SLC14A2: variants seen among roughly 807,000 people sequenced by gnomAD.
SLC14A2 encodes urea transporter 2.
Under a neutral mutation model 104.6 loss-of-function variants are expected in SLC14A2, and 91 were observed. The ratio of observed to expected loss-of-function variants is 0.87; its 90% CI spans 0.73 to 1.04. The LOEUF (loss-of-function observed/expected upper bound fraction) is 1.04, where lower values mean the gene tolerates loss of function less well. Ranked by LOEUF, SLC14A2 falls within the 50% of genes least tolerant of loss-of-function variation. The pLI is 0.00. For synonymous variants in SLC14A2, 476 were observed against 466.4 expected (o/e 1.02, Z -0.27); for missense variants, 1,189 against 1,156.0 (o/e 1.03, Z -0.41).
chr18:45,663,354 T>A lies in SLC14A2; in HGVS notation c.1352-431T>A, dbSNP rs193261834. On this transcript the variant is annotated intron_variant, in intron 10 of 19. Transcript: ENST00000255226. ...TGGGCATTCAAAACTTTAATTTTTT[T>A]AAACTGGTCTGAGGTGGAGCTCAGG... 4.1e-3 allele frequency among the ~76,000 whole-genome samples: 623 copies of A among 152,298 alleles called. 7 individuals are homozygous for A. The highest frequency in any genetic ancestry group is 3.0e-3 in the Non-Finnish European group (205 of 68,028).
At chr18:45,649,878 G>C (rs1015411281) in intron 10 of SLC14A2, among the ~76,000 whole-genome samples, 1 of 152,314 alleles carries the variant, frequency 6.6e-6, no homozygotes, top group South Asian at 2.1e-4. Context: ...ACAGTTAGTT[G>C]TCCTTTCTGT....
chr18:45,508,058 G>A (rs1372437922), intron 2 of SLC14A2, among the ~76,000 whole-genome samples: 1 of 152,174 alleles, frequency 6.6e-6, no homozygotes, highest in Admixed American at 6.5e-5. Flanking sequence ...AAGAAAGACT[G>A]GAATACTTAG....
intron 1 of SLC14A2, among the ~76,000 whole-genome samples, chr18:45,420,222 G>C (rs1440362782): frequency 6.6e-6 from 1 of 152,148 alleles, no homozygotes; most frequent in Non-Finnish European, 1.5e-5. Context: ...CTCTCCACAG[G>C]GTTGCTTGAG....
chr18:45,561,415 C>A (rs767103395), intron 2 of SLC14A2, among the ~76,000 whole-genome samples: 1 of 152,122 alleles, frequency 6.6e-6, no homozygotes, highest in Admixed American at 6.5e-5. Flanking sequence ...GCTAGGGCTG[C>A]GGAACCCAGG....
chr18:45,669,408 G>C lies in SLC14A2; in HGVS notation c.2139G>C (p.Thr713=), dbSNP rs142900689. ...CTGTGACTTTGTACCTGGCAGCCAC[G>C]GGCCACTACAACCTTTTCTTCCCCA... ...NITVTLYLAA[T]GHYNLFFPTT... Residue 713 remains threonine (T), a synonymous_variant, in exon 16 of 20, where the codon ACG becomes ACC. Coordinates refer to ENST00000255226, the MANE Select transcript of SLC14A2 (RefSeq NM_007163.4). 1.2e-6 allele frequency: 2 copies of C among 1,613,602 alleles called. No homozygotes were observed. The highest frequency in any genetic ancestry group is 3.3e-5 in the Admixed American group (2 of 59,996).
At chr18:45,384,254 T>C (rs1000751900) in intron 1 of SLC14A2, among the ~76,000 whole-genome samples, 1 of 152,154 alleles carries the variant, frequency 6.6e-6, no homozygotes, top group African/African-American at 2.4e-5. Context: ...CCCTCTCCTC[T>C]GGTTACTATG....
chr18:45,346,379 A>G (rs1201419046), intron 1 of SLC14A2, among the ~76,000 whole-genome samples: 1 of 151,070 alleles, frequency 6.6e-6, no homozygotes, highest in East Asian at 2.0e-4. Context: ...CTGGTCTTGA[A>G]CTCCTGACCT....
At chr18:45,226,573 A>G (rs1319623393) in intron 1 of SLC14A2, among the ~76,000 whole-genome samples, 3 of 151,654 alleles carry the variant, frequency 2.0e-5, no homozygotes, top group African/African-American at 7.3e-5. Flanking sequence ...ACAAGGACAG[A>G]AAACCAAACA....
intron 1 of SLC14A2, among the ~76,000 whole-genome samples, chr18:45,391,593 T>C (rs1029243955): frequency 1.2e-4 from 19 of 152,298 alleles, no homozygotes; most frequent in Non-Finnish European, 2.2e-4. Flanking sequence ...ACCTGTTGTT[T>C]CCTGACTTTT....
At chr18:45,192,642 T>TTTTTTTGTTTTGTTTTGTTTTG in the SLC14A2 span, among the ~76,000 whole-genome samples, 2 of 144,930 alleles carry the variant, frequency 1.4e-5, no homozygotes, top group South Asian at 2.2e-4. Context: ...GTGTGGTTTT[T>TTTTTTTGTTTTGTTTTGTTTTG]TTTTGTTTTG....
chr18:45,264,260 C>T (rs8085659), intron 1 of SLC14A2, among the ~76,000 whole-genome samples: 1,976 of 152,084 alleles, frequency 0.013, 47 homozygotes, highest in African/African-American at 0.045. Flanking sequence ...TTTATTTATT[C>T]ATTCATTTAC....
intron 2 of SLC14A2, among the ~76,000 whole-genome samples, chr18:45,596,623 G>C (rs1181350769): frequency 6.6e-6 from 1 of 152,144 alleles, no homozygotes; most frequent in Non-Finnish European, 1.5e-5. Context: ...TGGAACTCTT[G>C]GGCAAAAGCT....
intron 1 of SLC14A2, among the ~76,000 whole-genome samples, chr18:45,413,662 C>T (rs576955494): frequency 6.6e-6 from 1 of 152,172 alleles, no homozygotes; most frequent in Non-Finnish European, 1.5e-5. Flanking sequence ...TGAGCTCCAG[C>T]ATTGTTGTTT....
intron 2 of SLC14A2, among the ~76,000 whole-genome samples, chr18:45,503,044 T>C (rs2043223745): frequency 6.6e-6 from 1 of 152,116 alleles, no homozygotes; most frequent in East Asian, 1.9e-4. Flanking sequence ...TTTCCAGAGA[T>C]GTGGTCCATG....
intron 1 of SLC14A2, among the ~76,000 whole-genome samples, chr18:45,375,681 C>T (rs1449862899): frequency 6.6e-6 from 1 of 152,210 alleles, no homozygotes; most frequent in African/African-American, 2.4e-5. Flanking sequence ...AAGCAGCCGG[C>T]AAGGTGAACC....
intron 5 of SLC14A2, 69 bp from the exon 6 acceptor site, chr18:45,636,921 C>A: frequency 7.8e-7 from 1 of 1,288,960 alleles, no homozygotes; most frequent in Non-Finnish European, 1.1e-6. Flanking sequence ...ATACAGTGGC[C>A]AGAGCTGCTG....
In SLC14A2 at chr18:45,683,635, T is replaced by A. The variant is rs1427633549; in HGVS notation, c.*1116T>A. On this transcript the variant is annotated 3_prime_UTR_variant, in exon 20 of 20. Transcript: ENST00000255226. ...TCAAATCATATTATAAACAAATGTG[T>A]TTCCCTTTGTAATATTCATAATCAT... The A allele has an allele frequency of 6.6e-6, 1 of 152,184 alleles. No individual in the cohort carries two copies. Among genetic ancestry groups the A allele is most frequent in the African/African-American group, 2.4e-5 (1 of 41,442 alleles). The allele number at this position is 152,184 out of a possible 1,614,324, so 9.4% of individuals were successfully genotyped here. A position where few individuals can be genotyped will look rare whatever the true frequency, so the allele number is the denominator to read the frequency against.
chr18:45,510,685 T>C (rs1391843940), intron 2 of SLC14A2, among the ~76,000 whole-genome samples: 1 of 151,628 alleles, frequency 6.6e-6, no homozygotes, highest in Non-Finnish European at 1.5e-5. Flanking sequence ...GAGAGAGGCA[T>C]AGAGATGCCC....
At chr18:45,245,355 T>C (rs1201065879) in intron 1 of SLC14A2, among the ~76,000 whole-genome samples, 2 of 152,356 alleles carry the variant, frequency 1.3e-5, no homozygotes, top group South Asian at 4.1e-4. Flanking sequence ...AGGTCTCCAC[T>C]GTGTTCTCTG....
Sources: gnomAD v4.1 joint callset for allele counts (sites outside exome capture counted in the v4.1 genomes callset) on GRCh38, gnomAD v4.1.1 for gene constraint, MANE v1.5 for transcripts, NCBI Gene and HGNC (gene_info 2026-07-23, HGNC 2026-07-21) for gene names.